DOCK1: variants seen among roughly 807,000 people sequenced by gnomAD.
DOCK1 encodes dedicator of cytokinesis protein 1.
A neutral mutation model predicts 262.7 loss-of-function variants in DOCK1; 138 were observed. The ratio of observed to expected loss-of-function variants is 0.53; its 90% CI spans 0.46 to 0.61. The LOEUF (loss-of-function observed/expected upper bound fraction) is 0.61. DOCK1 is among the 20% of genes least tolerant of loss of function. The pLI, the probability that DOCK1 is intolerant of heterozygous loss-of-function variation, is 0.00. For missense variants in DOCK1, 1,908 were observed against 2,370.7 expected (o/e 0.80, Z 4.05); for synonymous variants, 866 against 867.4 (o/e 1.00, Z 0.03).
intron 1 of DOCK1, among the ~76,000 whole-genome samples, chr10:126,946,885 G>A (rs2035453615): frequency 1.3e-5 from 2 of 152,328 alleles, no homozygotes; most frequent in Admixed American, 1.3e-4. Flanking sequence ...CTTTGCTGGA[G>A]GAAGTGCGTT....
At chr10:127,095,173 G>T (rs2047832886) in intron 23 of DOCK1, among the ~76,000 whole-genome samples, 1 of 152,244 alleles carries the variant, frequency 6.6e-6, no homozygotes, top group African/African-American at 2.4e-5. Flanking sequence ...AGAAGAGGGT[G>T]TTCTTGCTGT....
At chr10:126,947,515 GGTGGTGGTTGGT>G (rs2134318442) in intron 1 of DOCK1, among the ~76,000 whole-genome samples, 5 of 144,730 alleles carry the variant, frequency 3.5e-5, no homozygotes, top group South Asian at 2.3e-4. Flanking sequence ...TGTTGGTGGT[GGTGGTGGTTGGT>G]AGTATTACTG....
chr10:127,326,265 GT>G (rs2062744901), intron 29 of DOCK1, among the ~76,000 whole-genome samples: 1 of 152,200 alleles, frequency 6.6e-6, no homozygotes, highest in South Asian at 2.1e-4. Flanking sequence ...CTGTGATGCT[GT>G]TTGGTAGCAT....
chr10:127,022,593 A>G (rs928099473), intron 13 of DOCK1, among the ~76,000 whole-genome samples: 13 of 151,932 alleles, frequency 8.6e-5, no homozygotes, highest in African/African-American at 3.1e-4. Flanking sequence ...ATGAGGGTTC[A>G]CCATGTTGGC....
At chr10:126,983,207 TCTC>T (rs2039105648) in intron 4 of DOCK1, among the ~76,000 whole-genome samples, 1 of 152,124 alleles carries the variant, frequency 6.6e-6, no homozygotes, top group Non-Finnish European at 1.5e-5. Context: ...CTGTGATTGT[TCTC>T]CACACTGTTT....
chr10:127,128,042 C>T (rs1012574176), intron 27 of DOCK1: 42 of 232,304 alleles, frequency 1.8e-4, no homozygotes, highest in African/African-American at 8.9e-4. Flanking sequence ...GCAGTTTCTC[C>T]ATAGTGTTTA....
At chr10:127,158,789 G>A (rs1036035484) in intron 27 of DOCK1, among the ~76,000 whole-genome samples, 7 of 152,246 alleles carry the variant, frequency 4.6e-5, no homozygotes, top group Non-Finnish European at 7.3e-5. Flanking sequence ...ACTATGTATC[G>A]TCCCATGGCA....
intron 27 of DOCK1, among the ~76,000 whole-genome samples, chr10:127,194,535 C>T (rs1433928352): frequency 2.0e-5 from 3 of 152,148 alleles, no homozygotes; most frequent in African/African-American, 4.8e-5. Flanking sequence ...AGTGAAATGA[C>T]GGTAACTTGC....
intron 12 of DOCK1, among the ~76,000 whole-genome samples, chr10:127,014,576 A>G (rs186068613): frequency 2.8e-3 from 426 of 152,322 alleles, no homozygotes; most frequent in Non-Finnish European, 4.7e-3. Context: ...TCTGTAGATA[A>G]TGACCTCACC....
intron 27 of DOCK1, among the ~76,000 whole-genome samples, chr10:127,168,299 G>A (rs572575042): frequency 7.9e-5 from 12 of 152,318 alleles, no homozygotes; most frequent in African/African-American, 2.2e-4. Flanking sequence ...GAGAGACATC[G>A]AAACTGATTT....
At chr10:126,933,264 T>C (rs2034315430) in intron 1 of DOCK1, among the ~76,000 whole-genome samples, 1 of 152,194 alleles carries the variant, frequency 6.6e-6, no homozygotes, top group African/African-American at 2.4e-5. Context: ...TGCTGTGTAG[T>C]AGATGCCTAC....
At chr10:127,402,126 A>G (rs1456651838) in intron 38 of DOCK1, among the ~76,000 whole-genome samples, 1 of 152,200 alleles carries the variant, frequency 6.6e-6, no homozygotes, top group Non-Finnish European at 1.5e-5. Context: ...TAAGGTCCAG[A>G]GGTTTTACAG....
chr10:127,185,024 A>G (rs910795516), intron 27 of DOCK1, among the ~76,000 whole-genome samples: 1 of 152,186 alleles, frequency 6.6e-6, no homozygotes, highest in African/African-American at 2.4e-5. Flanking sequence ...GCACAAGACC[A>G]TGTAAGAGGA....
Position 127,343,753 on chromosome 10 carries a change from T to G in DOCK1, c.3224+7T>G. 6.3e-7 allele frequency: 1 copy of G among 1,595,598 alleles called. No homozygotes were observed. Among genetic ancestry groups the G allele is most frequent in the Non-Finnish European group, 8.5e-7 (1 of 1,170,134 alleles). On this transcript the variant is annotated splice_region_variant and intron_variant, in intron 31 of 51. Transcript: ENST00000623213. ...GAGCCAAAATCCTTAACAAGTAAGT[T>G]CTCATCTAGCTCTGAAACTGCAGGC... is the stretch of plus-strand genomic sequence containing the variant.
chr10:127,371,283 C>T (rs921533009), intron 33 of DOCK1, among the ~76,000 whole-genome samples: 8 of 152,108 alleles, frequency 5.3e-5, no homozygotes, highest in Admixed American at 6.5e-5. Flanking sequence ...TCAGGGTGGC[C>T]AGGTGTTTGT....
At chr10:127,356,423 A>G (rs2064147442) in intron 32 of DOCK1, among the ~76,000 whole-genome samples, 1 of 152,224 alleles carries the variant, frequency 6.6e-6, no homozygotes, top group Non-Finnish European at 1.5e-5. Flanking sequence ...TGACATATAT[A>G]TACGATGATC....
chr10:127,236,703 A>G (rs2059078733), intron 27 of DOCK1, among the ~76,000 whole-genome samples: 1 of 151,594 alleles, frequency 6.6e-6, no homozygotes, highest in Non-Finnish European at 1.5e-5. Flanking sequence ...TCCCGTGTCA[A>G]TGTTTTGTGT....
In DOCK1 at chr10:127,292,497, G is replaced by C. The variant is rs77497172; in HGVS notation, c.3044+35068G>C. Among the ~76,000 whole-genome samples, 755 of 152,286 alleles carry C rather than the reference G, an allele frequency of 5.0e-3. 12 individuals are homozygous for C. Among genetic ancestry groups the C allele is most frequent in the African/African-American group, 0.018 (729 of 41,560 alleles). ...GATGGGCCACCAGTGTTTGTCACCG[G>C]AGCTTCAGGGTAGCATGCCTAGGAG... On this transcript the variant is annotated intron_variant, in intron 29 of 51. Coordinates refer to ENST00000623213, the MANE Select transcript of DOCK1 (RefSeq NM_001290223.2).
At chr10:127,038,534 C>G (rs2043809754) in intron 19 of DOCK1, among the ~76,000 whole-genome samples, 1 of 152,166 alleles carries the variant, frequency 6.6e-6, no homozygotes, top group African/African-American at 2.4e-5. Context: ...TTACTGCCAT[C>G]AGCATTCGTA....
Sources: allele counts gnomAD v4.1 joint callset (sites outside exome capture counted in the v4.1 genomes callset), GRCh38; gene constraint gnomAD v4.1.1; transcripts MANE v1.5; gene names NCBI Gene and HGNC (gene_info 2026-07-23, HGNC 2026-07-21).